NUDCD1: variants seen among roughly 807,000 people sequenced by gnomAD.
NUDCD1 encodes the protein nudC domain-containing protein 1.
A neutral mutation model predicts 67.8 loss-of-function variants in NUDCD1; 60 were observed. The observed-to-expected ratio is 0.88, with a 90% confidence interval of 0.72 to 1.10. The LOEUF is 1.10. NUDCD1 is among the 50% of genes least tolerant of loss of function. The pLI, the probability that NUDCD1 is intolerant of heterozygous loss-of-function variation, is 0.00. For missense variants in NUDCD1, 643 were observed against 695.0 expected, an observed-to-expected ratio of 0.93 and a Z score of 0.84; for synonymous variants, 244 against 230.8, an observed-to-expected ratio of 1.06 and a Z score of -0.52.
At chr8:109,245,541 A>T in intron 8 of NUDCD1, 60 bp from the exon 9 acceptor site, 1 of 1,348,934 alleles carries the variant, frequency 7.4e-7, no homozygotes, top group Non-Finnish European at 1.0e-6. Context: ...CAACAATAAC[A>T]ATGGCAGAAG....
chr8:109,322,159 A>G (rs186738090), intron 2 of NUDCD1, 150 bp downstream of exon 2: 1 of 430,990 alleles, frequency 2.3e-6, no homozygotes, highest in Admixed American at 3.8e-5. Context: ...AATTGAAATA[A>G]GAAATGGAGT....
At chr8:109,261,042 G>A (rs914026224) in intron 8 of NUDCD1, among the ~76,000 whole-genome samples, 1 of 152,112 alleles carries the variant, frequency 6.6e-6, no homozygotes, top group African/African-American at 2.4e-5. Flanking sequence ...CCAAGGCCAA[G>A]ACTCTAAGAT....
At chr8:109,252,870 T>C (rs1708363343) in intron 8 of NUDCD1, among the ~76,000 whole-genome samples, 1 of 152,246 alleles carries the variant, frequency 6.6e-6, no homozygotes, top group Non-Finnish European at 1.5e-5. Context: ...GGCGTGACAA[T>C]CTTTCCAACT....
intron 8 of NUDCD1, among the ~76,000 whole-genome samples, chr8:109,259,391 T>G (rs1813814955): frequency 6.6e-6 from 1 of 152,180 alleles, no homozygotes; most frequent in Non-Finnish European, 1.5e-5. Flanking sequence ...TACCAGCATC[T>G]ATGAAACTGT....
At chr8:109,273,982 C>T (rs567713243) in intron 7 of NUDCD1, among the ~76,000 whole-genome samples, 37 of 152,192 alleles carry the variant, frequency 2.4e-4, no homozygotes, top group Non-Finnish European at 4.9e-4. Context: ...ATGACCAAGA[C>T]GGGCTTATCC....
At chr8:109,247,942 T>C (rs1813536385) in intron 8 of NUDCD1, among the ~76,000 whole-genome samples, 3 of 152,316 alleles carry the variant, frequency 2.0e-5, no homozygotes, top group South Asian at 4.1e-4. Context: ...TAAGTTACCT[T>C]ATATAGCAAA....
chr8:109,268,063 G>A (rs1428497989), intron 8 of NUDCD1, among the ~76,000 whole-genome samples: 2 of 152,098 alleles, frequency 1.3e-5, no homozygotes, highest in Non-Finnish European at 2.9e-5. Context: ...TCTGTAAAAT[G>A]AAGAAGATGA....
In NUDCD1 at chr8:109,275,271, T is replaced by C. The variant is rs560526793; in HGVS notation, c.1173+81A>G. On this transcript the variant is annotated intron_variant, in intron 7 of 9. Transcript: ENST00000239690. ...CTTTTATATTAGGAAAAGCAAAATATTGTTTGAAAAGCATGGCATAATCTT... is the reference window on the plus strand; with the variant it reads ...CTTTTATATTAGGAAAAGCAAAATACTGTTTGAAAAGCATGGCATAATCTT... 36 of 1,365,144 alleles carry C rather than the reference T, an allele frequency of 2.6e-5. No individual in the cohort carries two copies. The South Asian group carries it at 4.8e-4, about 18-fold the overall frequency. 84.6% of individuals were successfully genotyped at this position (1,365,144 alleles called of 1,614,324 possible).
Position 109,289,732 on chromosome 8 carries a change from T to C in NUDCD1, c.823+19A>G. 8.2e-7 allele frequency: 1 copy of C among 1,225,250 alleles called. No homozygotes were observed. Among genetic ancestry groups the C allele is most frequent in the Admixed American group, 2.0e-5 (1 of 49,482 alleles). The allele number at this position is 1,225,250 out of a possible 1,614,324, so 75.9% of individuals were successfully genotyped here. A position where few individuals can be genotyped will look rare whatever the true frequency, so the allele number is the denominator to read the frequency against. On this transcript the variant is annotated intron_variant, in intron 5 of 9. Coordinates refer to ENST00000239690, the MANE Select transcript of NUDCD1 (RefSeq NM_032869.4). ...TGTTTATGAAAATACCAATAAGCTCTATTAAGAATAAAAATTACCTTTGAT... is the reference window on the plus strand; with the variant it reads ...TGTTTATGAAAATACCAATAAGCTCCATTAAGAATAAAAATTACCTTTGAT...
chr8:109,270,795 A>C (rs1365874628), intron 8 of NUDCD1, among the ~76,000 whole-genome samples: 1 of 152,166 alleles, frequency 6.6e-6, no homozygotes, highest in Non-Finnish European at 1.5e-5. Flanking sequence ...GAAAAGCACC[A>C]CTTGAAAGAT....
intron 2 of NUDCD1, among the ~76,000 whole-genome samples, chr8:109,320,079 G>A (rs191754447): frequency 6.6e-6 from 1 of 152,270 alleles, no homozygotes; most frequent in Admixed American, 6.5e-5. Context: ...AGTAGAGGCA[G>A]GGCGAGATCA....
At chr8:109,302,788 T>A (rs976605471) in intron 2 of NUDCD1, among the ~76,000 whole-genome samples, 8 of 152,304 alleles carry the variant, frequency 5.3e-5, no homozygotes, top group African/African-American at 1.9e-4. Context: ...CTCAGACGCT[T>A]TACCGCCCTA....
At chr8:109,331,682 A>AT (rs1815812124) in intron 1 of NUDCD1, among the ~76,000 whole-genome samples, 1 of 152,188 alleles carries the variant, frequency 6.6e-6, no homozygotes, top group Non-Finnish European at 1.5e-5. Flanking sequence ...TTATTGTGAG[A>AT]TTTTGCTTCC....
intron 2 of NUDCD1, among the ~76,000 whole-genome samples, chr8:109,306,262 A>G (rs1008773250): frequency 2.6e-5 from 4 of 151,806 alleles, no homozygotes; most frequent in Admixed American, 1.3e-4. Flanking sequence ...GACAGGTTAC[A>G]CTCCAATACT....
At chr8:109,330,973 A>G (rs184938852) in intron 1 of NUDCD1, among the ~76,000 whole-genome samples, 97 of 152,202 alleles carry the variant, frequency 6.4e-4, no homozygotes, top group Non-Finnish European at 1.1e-3. Context: ...TGACGGGTGC[A>G]GCAAACCACC....
intron 2 of NUDCD1, among the ~76,000 whole-genome samples, chr8:109,318,123 A>G (rs1815445091): frequency 6.6e-6 from 1 of 152,200 alleles, no homozygotes; most frequent in African/African-American, 2.4e-5. Flanking sequence ...CTCATTTGGT[A>G]AGTCTGTCTT....
At chr8:109,250,686 T>C (rs890927507) in intron 8 of NUDCD1, among the ~76,000 whole-genome samples, 1 of 151,470 alleles carries the variant, frequency 6.6e-6, no homozygotes, top group African/African-American at 2.4e-5. Context: ...ACGAATGGTA[T>C]TTTTTTTTCA....
At chr8:109,267,093 T>A (rs756968362) in intron 8 of NUDCD1, among the ~76,000 whole-genome samples, 2 of 152,204 alleles carry the variant, frequency 1.3e-5, no homozygotes, top group Admixed American at 6.5e-5. Flanking sequence ...TCTATATTTA[T>A]AAAAATTAGT....
intron 1 of NUDCD1, among the ~76,000 whole-genome samples, chr8:109,323,910 A>G (rs193113357): frequency 1.7e-3 from 253 of 152,304 alleles, no homozygotes; most frequent in Admixed American, 3.3e-3. Flanking sequence ...CCTATCTCTC[A>G]TCATATGCAA....
Sources: gnomAD v4.1 joint callset for allele counts (sites outside exome capture counted in the v4.1 genomes callset) on GRCh38, gnomAD v4.1.1 for gene constraint, MANE v1.5 for transcripts, NCBI Gene and HGNC (gene_info 2026-07-23, HGNC 2026-07-21) for gene names.